The following PHF24 variants were observed in gnomAD, a reference collection of about 807,000 sequenced individuals.
PHF24 encodes Galpha inhibitory interacting protein.
PHF24 carries 25 observed loss-of-function variants against 42.6 expected under a neutral mutation model. The ratio of observed to expected loss-of-function variants is 0.59; its 90% confidence interval spans 0.43 to 0.82. PHF24 has a LOEUF of 0.82. Ranked by LOEUF, PHF24 falls within the 40% of genes least tolerant of loss-of-function variation. The pLI is 0.00. For missense variants in PHF24, 470 were observed against 538.1 expected (o/e 0.87, Z 1.25); for synonymous variants, 185 against 204.8 (o/e 0.90, Z 0.83).
At chr9:34,739,664 C>T in the PHF24 span, among the ~76,000 whole-genome samples, 9 of 152,080 alleles carry the variant, frequency 5.9e-5, no homozygotes, top group African/African-American at 1.4e-4. Context: ...TGCAGACCTT[C>T]GCGGTGAGTG....
the PHF24 span, among the ~76,000 whole-genome samples, chr9:34,687,007 G>A: frequency 6.6e-6 from 1 of 152,002 alleles, no homozygotes; most frequent in African/African-American, 2.4e-5. Context: ...ATTGTACCTG[G>A]CAGGGAGATA....
At chr9:34,927,531 G>C in the PHF24 span, among the ~76,000 whole-genome samples, 1 of 152,192 alleles carries the variant, frequency 6.6e-6, no homozygotes, top group African/African-American at 2.4e-5. Context: ...TGGGCTCAGG[G>C]CTTGGGAAGA....
chr9:34,791,463 T>C, the PHF24 span, among the ~76,000 whole-genome samples: 8 of 152,082 alleles, frequency 5.3e-5, no homozygotes, highest in Non-Finnish European at 1.0e-4. Context: ...TAGTTGCATA[T>C]ATTACTATTG....
At chr9:34,948,023 G>T in the PHF24 span, among the ~76,000 whole-genome samples, 5 of 151,658 alleles carry the variant, frequency 3.3e-5, no homozygotes, top group Non-Finnish European at 5.9e-5. Flanking sequence ...GCAGGAGAAT[G>T]GCGTGAACCC....
At chr9:34,718,262 A>AG in the PHF24 span, among the ~76,000 whole-genome samples, 3 of 152,122 alleles carry the variant, frequency 2.0e-5, no homozygotes, top group Admixed American at 6.6e-5. Flanking sequence ...AAGGCAGAAA[A>AG]GGGGGGCAGT....
At chr9:34,741,336 T>C in the PHF24 span, among the ~76,000 whole-genome samples, 1 of 152,094 alleles carries the variant, frequency 6.6e-6, no homozygotes, top group African/African-American at 2.4e-5. Context: ...TACAAGGCAG[T>C]ATTTCTTTTC....
At chr9:34,905,006 G>T in the PHF24 span, among the ~76,000 whole-genome samples, 30 of 151,890 alleles carry the variant, frequency 2.0e-4, no homozygotes, top group African/African-American at 6.3e-4. Flanking sequence ...TGACCAGCAG[G>T]TGGGAGTAGG....
At chr9:34,881,211 T>C in the PHF24 span, among the ~76,000 whole-genome samples, 1 of 152,114 alleles carries the variant, frequency 6.6e-6, no homozygotes, top group African/African-American at 2.4e-5. Context: ...TTTAAAGCAA[T>C]GTTTAGAAGG....
chr9:34,819,689 A>C, the PHF24 span, among the ~76,000 whole-genome samples: 1 of 152,134 alleles, frequency 6.6e-6, no homozygotes, highest in Admixed American at 6.5e-5. Context: ...AAAACTTCTA[A>C]ATTTATTCAG....
At chr9:34,953,409 A>C (rs1362748559), upstream of PHF24, among the ~76,000 whole-genome samples, 1 of 152,136 alleles carries the variant, frequency 6.6e-6, no homozygotes, top group East Asian at 1.9e-4. The surrounding 1 kb of genome is among the most constrained non-coding windows in gnomAD (Gnocchi z 4.1). Flanking sequence ...AGGCACTGGG[A>C]TTATAGGTGT....
chr9:34,762,652 G>T, the PHF24 span, among the ~76,000 whole-genome samples: 5 of 144,954 alleles, frequency 3.4e-5, no homozygotes, highest in South Asian at 2.2e-4. Flanking sequence ...TAGGTTGCCT[G>T]TTCACTCTGA....
chr9:34,803,250 A>G, the PHF24 span, among the ~76,000 whole-genome samples: 1 of 152,192 alleles, frequency 6.6e-6, no homozygotes, highest in Admixed American at 6.5e-5. Context: ...ACTCCCTGCC[A>G]AAAACACACT....
At chr9:34,889,527 T>C in the PHF24 span, 2 of 398,504 alleles carry the variant, frequency 5.0e-6, no homozygotes, top group African/African-American at 4.1e-5. Flanking sequence ...GGTCACTGTC[T>C]CAGCCTTAGA....
Position 34,971,599 on chromosome 9 carries a change from C to T in PHF24, c.301C>T (p.Pro101Ser), listed in dbSNP as rs765911770. The change falls in exon 2 of 8, where the codon CCC becomes TCC. Residue 101 changes from proline (P) to serine (S), a missense_variant. Transcript: ENST00000242315. ...GTTTGACAGGACAAGTCGATTCACA[C>T]CCCCTGCGTTCATCCGCCCCACCCG... The T allele has an allele frequency of 1.4e-5, 22 of 1,613,916 alleles. No homozygotes were observed. Among genetic ancestry groups the T allele is most frequent in the Non-Finnish European group, 1.7e-5 (20 of 1,180,014 alleles).
At chr9:34,740,393 C>G in the PHF24 span, among the ~76,000 whole-genome samples, 1 of 152,238 alleles carries the variant, frequency 6.6e-6, no homozygotes, top group Non-Finnish European at 1.5e-5. Context: ...GGGAAGGCAG[C>G]TAAGGCCAGG....
chr9:34,940,034 G>T, the PHF24 span, among the ~76,000 whole-genome samples: 12 of 152,226 alleles, frequency 7.9e-5, no homozygotes, highest in Non-Finnish European at 1.5e-4. Flanking sequence ...ACTACAAGCA[G>T]CCAGAAAGAG....
the PHF24 span, among the ~76,000 whole-genome samples, chr9:34,876,668 A>G: frequency 4.5e-3 from 678 of 152,280 alleles, 3 homozygotes; most frequent in African/African-American, 0.013. Flanking sequence ...ATTATTAAAA[A>G]AAAGAAAGAA....
At chr9:34,917,117 C>T in the PHF24 span, 21 of 805,968 alleles carry the variant, frequency 2.6e-5, no homozygotes, top group South Asian at 4.0e-5. Flanking sequence ...CTCCTCACCT[C>T]GCTCTCGCGG....
exon 8 of PHF24, chr9:34,980,904 C>T (rs1424835848): frequency 1.3e-5 from 2 of 152,276 alleles, no homozygotes; most frequent in Non-Finnish European, 2.9e-5. Context: ...ATTCCTCTTC[C>T]TCATGTTCAG....
Sources: gnomAD v4.1 joint callset for allele counts (sites outside exome capture counted in the v4.1 genomes callset) on GRCh38, gnomAD v4.1.1 for gene constraint, Gnocchi (gnomAD v3.1) non-coding constraint, MANE v1.5 for transcripts, NCBI Gene and HGNC (gene_info 2026-07-23, HGNC 2026-07-21) for gene names.